DCC: variants seen among roughly 807,000 people sequenced by gnomAD.
DCC encodes DCC netrin 1 receptor.
Under a neutral mutation model 172.5 loss-of-function variants are expected in DCC, and 58 were observed. The observed-to-expected ratio is 0.34, with a 90% CI of 0.27 to 0.42. DCC has a LOEUF of 0.42. Ranked by LOEUF, DCC falls within the 10% of genes least tolerant of loss-of-function variation. DCC has a pLI of 1.00. For missense variants in DCC, 1,740 were observed against 1,791.0 expected, an observed-to-expected ratio of 0.97 and a Z score of 0.51; for synonymous variants, 709 against 644.5, an observed-to-expected ratio of 1.10 and a Z score of -1.52.
chr18:52,748,958 A>T (rs1490358547), intron 1 of DCC, among the ~76,000 whole-genome samples: 4 of 152,220 alleles, frequency 2.6e-5, no homozygotes, highest in African/African-American at 9.6e-5. Context: ...GCACTTCGGG[A>T]GGCTGAGGCA....
chr18:52,865,370 G>A (rs760011523), intron 2 of DCC, among the ~76,000 whole-genome samples: 22 of 152,042 alleles, frequency 1.4e-4, no homozygotes, highest in Non-Finnish European at 7.4e-5. Context: ...TAGGATTGCT[G>A]GATCAGATGG....
At chr18:53,330,528 TCCTCTCTAGA>T (rs1214775956) in intron 14 of DCC, among the ~76,000 whole-genome samples, 1 of 152,168 alleles carries the variant, frequency 6.6e-6, no homozygotes, top group African/African-American at 2.4e-5. Flanking sequence ...TTGCTCTCCC[TCCTCTCTAGA>T]CCCCATAGTG....
intron 1 of DCC, among the ~76,000 whole-genome samples, chr18:52,663,256 A>C (rs140694859): frequency 6.8e-4 from 103 of 152,342 alleles, no homozygotes; most frequent in African/African-American, 2.5e-3. Context: ...GCCACTTAAG[A>C]ATGAGCTTCT....
chr18:52,529,507 G>T (rs999603017), intron 1 of DCC, among the ~76,000 whole-genome samples: 1 of 152,148 alleles, frequency 6.6e-6, no homozygotes, highest in Admixed American at 6.5e-5. Flanking sequence ...AGCCAGGATG[G>T]TCTCGATCTC....
chr18:53,500,562 TATAA>T (rs1226033955), intron 27 of DCC, among the ~76,000 whole-genome samples: 4 of 151,548 alleles, frequency 2.6e-5, no homozygotes, highest in Non-Finnish European at 5.9e-5. Flanking sequence ...GTCTATGAAG[TATAA>T]ATATTAATTA....
chr18:53,502,115 C>A (rs1428821387), intron 27 of DCC, among the ~76,000 whole-genome samples: 1 of 152,000 alleles, frequency 6.6e-6, no homozygotes, highest in Non-Finnish European at 1.5e-5. Context: ...CCTTAAGATC[C>A]TTCTTTTGTT....
intron 5 of DCC, among the ~76,000 whole-genome samples, chr18:52,958,885 A>G (rs2040792843): frequency 6.6e-6 from 1 of 152,166 alleles, no homozygotes; most frequent in Non-Finnish European, 1.5e-5. Context: ...AAGCTTGTCC[A>G]ACCCACAGCC....
intron 16 of DCC, among the ~76,000 whole-genome samples, chr18:53,390,625 T>G (rs1294979750): frequency 1.3e-5 from 2 of 152,148 alleles, no homozygotes; most frequent in Non-Finnish European, 2.9e-5. Flanking sequence ...AAGTACAAAA[T>G]CAAATGCTCA....
chr18:53,018,407 G>A (rs1278033464), intron 5 of DCC, among the ~76,000 whole-genome samples: 4 of 152,088 alleles, frequency 2.6e-5, no homozygotes, highest in East Asian at 3.9e-4. Context: ...CACTAACCTC[G>A]TTGCCTACGT....
chr18:53,359,397 T>G (rs1386794686), intron 15 of DCC, among the ~76,000 whole-genome samples: 1 of 152,178 alleles, frequency 6.6e-6, no homozygotes, highest in Non-Finnish European at 1.5e-5. Context: ...TGCTTTTTTG[T>G]TTGTTTTAGC....
chr18:52,894,476 T>G lies in DCC; in HGVS notation c.413-11568T>G, dbSNP rs192280513. ...TTATTTTTATATATTAATATATGTT[T>G]ATGTGATATATAAATATTTTATATA... On this transcript the variant is annotated intron_variant, in intron 2 of 28. Coordinates refer to ENST00000442544, the MANE Select transcript of DCC (RefSeq NM_005215.4). Among the ~76,000 whole-genome samples the G allele has an allele frequency of 6.0e-4, 90 of 150,082 alleles. No individual in the cohort carries two copies. The Middle Eastern group carries it at 0.011, about 18-fold the overall frequency.
At chr18:52,654,219 A>T (rs2035200835) in intron 1 of DCC, among the ~76,000 whole-genome samples, 1 of 152,192 alleles carries the variant, frequency 6.6e-6, no homozygotes, top group Non-Finnish European at 1.5e-5. Flanking sequence ...CAGTTTGGTT[A>T]TGGAGAAAAT....
chr18:53,311,942 A>AT (rs2057273490), intron 13 of DCC, among the ~76,000 whole-genome samples: 1 of 152,184 alleles, frequency 6.6e-6, no homozygotes, highest in Non-Finnish European at 1.5e-5. Context: ...TCGTGATTGT[A>AT]TCAGTATTAA....
Position 52,487,858 on chromosome 18 carries a change from C to T in DCC, c.91+146980C>T, listed in dbSNP as rs1193338258. 2.0e-5 allele frequency among the ~76,000 whole-genome samples: 3 copies of T among 149,622 alleles called. No individual in the cohort carries two copies. In the Admixed American group the frequency reaches 2.0e-4, roughly 10 times the overall value. ...AAAATTGGAGGAAGCACACTAATGC[C>T]CACTGTAGCAGCTCCTTGACAAATA... On this transcript the variant is annotated intron_variant, in intron 1 of 28. Coordinates refer to ENST00000442544, the MANE Select transcript of DCC (RefSeq NM_005215.4).
chr18:53,135,016 C>G (rs764278199), intron 7 of DCC, among the ~76,000 whole-genome samples: 1 of 152,126 alleles, frequency 6.6e-6, no homozygotes, highest in African/African-American at 2.4e-5. Flanking sequence ...GCATCTATGA[C>G]GTGAACACCA....
intron 9 of DCC, among the ~76,000 whole-genome samples, chr18:53,203,870 G>A (rs181942691): frequency 3.9e-5 from 6 of 152,212 alleles, no homozygotes; most frequent in Admixed American, 2.0e-4. Context: ...TGTGGCCATT[G>A]CATTTACCAT....
intron 2 of DCC, among the ~76,000 whole-genome samples, chr18:52,773,417 T>C (rs1320455727): frequency 6.6e-6 from 1 of 152,240 alleles, no homozygotes; most frequent in Non-Finnish European, 1.5e-5. Context: ...ACCAAATCTT[T>C]ATTAGTTTCC....
intron 2 of DCC, among the ~76,000 whole-genome samples, chr18:52,878,893 A>G (rs181675448): frequency 6.6e-6 from 1 of 152,360 alleles, no homozygotes; most frequent in Admixed American, 6.5e-5. Context: ...TTGAAGGGAC[A>G]AAACTTCCAT....
At chr18:52,815,411 TACACACACACACACAC>T (rs34924244) in intron 2 of DCC, among the ~76,000 whole-genome samples, 4 of 150,008 alleles carry the variant, frequency 2.7e-5, no homozygotes, top group African/African-American at 7.4e-5. Context: ...TTCTCACACG[TACACACACACACACAC>T]ACACACACAC....
Sources: allele counts gnomAD v4.1 joint callset (sites outside exome capture counted in the v4.1 genomes callset), GRCh38; gene constraint gnomAD v4.1.1; transcripts MANE v1.5; gene names NCBI Gene and HGNC (gene_info 2026-07-23, HGNC 2026-07-21).